MARCHF1: variants seen among roughly 807,000 people sequenced by gnomAD.
MARCHF1 encodes E3 ubiquitin-protein ligase MARCHF1.
A neutral mutation model predicts 54.2 loss-of-function variants in MARCHF1; 40 were observed. The ratio of observed to expected loss-of-function variants is 0.74; its 90% CI spans 0.57 to 0.96. The LOEUF (loss-of-function observed/expected upper bound fraction) is 0.96, where lower values mean the gene tolerates loss of function less well. MARCHF1 is among the 40% of genes least tolerant of loss of function. The pLI, the probability that MARCHF1 is intolerant of heterozygous loss-of-function variation, is 0.00. For synonymous variants in MARCHF1, 236 were observed against 236.3 expected, an observed-to-expected ratio of 1.00 and a Z score of 0.01; for missense variants, 586 against 656.5, an observed-to-expected ratio of 0.89 and a Z score of 1.17.
chr4:164,163,225 T>A (rs954100821), intron 1 of MARCHF1, among the ~76,000 whole-genome samples: 2 of 151,924 alleles, frequency 1.3e-5, no homozygotes, highest in African/African-American at 4.8e-5. Context: ...GATATTTCAA[T>A]AAAAATAAGA....
intron 1 of MARCHF1, among the ~76,000 whole-genome samples, chr4:164,193,048 T>A (rs1579610911): frequency 6.6e-6 from 1 of 152,302 alleles, no homozygotes; most frequent in African/African-American, 2.4e-5. Context: ...TACTCAGCTC[T>A]AACTCTGCTT....
chr4:163,792,395 G>A (rs1238424098), intron 4 of MARCHF1, among the ~76,000 whole-genome samples: 1 of 152,048 alleles, frequency 6.6e-6, no homozygotes. Context: ...TGCTTTTTCT[G>A]AGTAACATAT....
chr4:163,607,979 G>A (rs1016228861), intron 7 of MARCHF1, among the ~76,000 whole-genome samples: 1 of 152,036 alleles, frequency 6.6e-6, no homozygotes, highest in Non-Finnish European at 1.5e-5. Flanking sequence ...CAGCAGGTGA[G>A]GCAGTCCAAC....
At chr4:164,379,425 G>A (rs927147708) in intron 1 of MARCHF1, among the ~76,000 whole-genome samples, 1 of 152,086 alleles carries the variant, frequency 6.6e-6, no homozygotes, top group African/African-American at 2.4e-5. Flanking sequence ...CAGGAAAACA[G>A]ACACAATGAA....
intron 5 of MARCHF1, among the ~76,000 whole-genome samples, chr4:163,629,214 G>T (rs1440796983): frequency 6.6e-6 from 1 of 152,064 alleles, no homozygotes; most frequent in Admixed American, 6.5e-5. Flanking sequence ...CAGATATATA[G>T]ACCAATGGAA....
intron 2 of MARCHF1, among the ~76,000 whole-genome samples, chr4:164,074,452 C>T (rs1271662442): frequency 6.6e-6 from 1 of 152,052 alleles, no homozygotes; most frequent in East Asian, 1.9e-4. Context: ...AATAAATGTT[C>T]ATTGATTCAC....
chr4:164,227,912 G>A (rs1732304512), intron 1 of MARCHF1, among the ~76,000 whole-genome samples: 1 of 152,044 alleles, frequency 6.6e-6, no homozygotes, highest in Non-Finnish European at 1.5e-5. Context: ...TAATAACATA[G>A]AAAATTCTAT....
intron 1 of MARCHF1, among the ~76,000 whole-genome samples, chr4:164,186,337 T>C (rs1730969832): frequency 6.6e-6 from 1 of 152,212 alleles, no homozygotes. Context: ...GGCTCTCTTT[T>C]TTAAAAAACC....
At chr4:163,726,016 A>T (rs1745641862) in intron 4 of MARCHF1, among the ~76,000 whole-genome samples, 1 of 152,130 alleles carries the variant, frequency 6.6e-6, no homozygotes, top group Non-Finnish European at 1.5e-5. Context: ...TTTTTAGAAC[A>T]GTTTTAGGTA....
intron 7 of MARCHF1, among the ~76,000 whole-genome samples, chr4:163,599,561 TC>T (rs2110880611): frequency 6.6e-6 from 1 of 152,306 alleles, no homozygotes; most frequent in African/African-American, 2.4e-5. Flanking sequence ...TTTGTTAGGT[TC>T]CTTTTCCCTA....
At chr4:164,073,170 T>C (rs1054856842) in intron 2 of MARCHF1, among the ~76,000 whole-genome samples, 1 of 152,204 alleles carries the variant, frequency 6.6e-6, no homozygotes, top group African/African-American at 2.4e-5. Flanking sequence ...GCTGAGTTGA[T>C]GAACAGGCAG....
intron 4 of MARCHF1, among the ~76,000 whole-genome samples, chr4:163,729,889 T>C (rs76314188): frequency 1.3e-5 from 2 of 152,244 alleles, no homozygotes; most frequent in African/African-American, 2.4e-5. Flanking sequence ...TTATAATGTG[T>C]CTCAGTTATT....
chr4:163,734,119 C>T (rs1745961320), intron 4 of MARCHF1, among the ~76,000 whole-genome samples: 1 of 152,062 alleles, frequency 6.6e-6, no homozygotes, highest in Non-Finnish European at 1.5e-5. Flanking sequence ...ACTATATACC[C>T]AGTGAAATGG....
chr4:163,857,736 T>G (rs1749807184), intron 3 of MARCHF1, among the ~76,000 whole-genome samples: 1 of 152,278 alleles, frequency 6.6e-6, no homozygotes, highest in East Asian at 1.9e-4. Context: ...ATTGGGTGTA[T>G]TTTGTGGAGA....
At chr4:163,713,823 G>T (rs980109631) in intron 4 of MARCHF1, among the ~76,000 whole-genome samples, 1 of 152,168 alleles carries the variant, frequency 6.6e-6, no homozygotes, top group African/African-American at 2.4e-5. Context: ...TCACCTGTAT[G>T]ATACAACCAA....
At chr4:163,900,351 TA>T (rs35805253) in intron 3 of MARCHF1, among the ~76,000 whole-genome samples, 3 of 150,600 alleles carry the variant, frequency 2.0e-5, no homozygotes, top group East Asian at 2.0e-4. Context: ...TTTTTTTTTT[TA>T]AAAAAACTCT....
At chr4:163,632,686 G>T (rs1474771051) in intron 5 of MARCHF1, among the ~76,000 whole-genome samples, 1 of 152,204 alleles carries the variant, frequency 6.6e-6, no homozygotes, top group South Asian at 2.1e-4. Flanking sequence ...GCCCACCATT[G>T]CCCAGGCTTG....
intron 1 of MARCHF1, among the ~76,000 whole-genome samples, chr4:164,260,058 T>G (rs1438537920): frequency 6.6e-6 from 1 of 152,296 alleles, no homozygotes; most frequent in Admixed American, 6.5e-5. Flanking sequence ...ATCACTGACC[T>G]AGTTGTAAGA....
intron 3 of MARCHF1, among the ~76,000 whole-genome samples, chr4:163,929,656 G>A (rs1215196771): frequency 6.6e-6 from 1 of 151,268 alleles, no homozygotes; most frequent in African/African-American, 2.4e-5. Context: ...GCAAATGTAG[G>A]TAAATTGTAT....
Sources: allele counts gnomAD v4.1 joint callset (sites outside exome capture counted in the v4.1 genomes callset), GRCh38; gene constraint gnomAD v4.1.1; transcripts MANE v1.5; gene names NCBI Gene and HGNC (gene_info 2026-07-23, HGNC 2026-07-21).